Variants in PRKCH observed in about 807,000 individuals in gnomAD.
The protein encoded by PRKCH is protein kinase C eta type.
A neutral mutation model predicts 82.5 loss-of-function variants in PRKCH; 28 were observed. The observed-to-expected ratio is 0.34, with a 90% CI of 0.25 to 0.47. PRKCH has a LOEUF of 0.47. Among genes scored for constraint, PRKCH ranks in the 20% least tolerant of loss-of-function variants. The pLI is 1.00. For missense variants in PRKCH, 705 were observed against 881.8 expected (o/e 0.80, Z 2.54); for synonymous variants, 322 against 327.4 (o/e 0.98, Z 0.18).
At chr14:61,464,035 T>G (rs1336250668) in intron 9 of PRKCH, among the ~76,000 whole-genome samples, 2 of 152,206 alleles carry the variant, frequency 1.3e-5, no homozygotes, top group African/African-American at 4.8e-5. Context: ...AACATGAGAG[T>G]GCAGGCATCT....
intron 1 of PRKCH, among the ~76,000 whole-genome samples, chr14:61,199,108 A>G (rs1396451410): frequency 6.6e-6 from 1 of 152,210 alleles, no homozygotes; most frequent in African/African-American, 2.4e-5. Flanking sequence ...AAAAATGACC[A>G]ATATGTACTA....
At chr14:61,362,255 G>A (rs956733575) in intron 1 of PRKCH, among the ~76,000 whole-genome samples, 15 of 150,958 alleles carry the variant, frequency 9.9e-5, no homozygotes, top group African/African-American at 3.2e-4. Context: ...AGGGAGGATA[G>A]CTTTGAGCCC....
At chr14:61,479,150 C>T (rs1340930314) in intron 9 of PRKCH, among the ~76,000 whole-genome samples, 1 of 152,148 alleles carries the variant, frequency 6.6e-6, no homozygotes, top group Admixed American at 6.5e-5. Context: ...CTTCATTCTT[C>T]TCCTTCACCC....
chr14:61,375,618 AG>A (rs1250177532), intron 1 of PRKCH, among the ~76,000 whole-genome samples: 2 of 151,900 alleles, frequency 1.3e-5, no homozygotes, highest in African/African-American at 4.9e-5. Context: ...GAGAGAGTGA[AG>A]GGGGAAGTGC....
At chr14:61,245,743 A>T (rs2044874414) in intron 1 of PRKCH, among the ~76,000 whole-genome samples, 1 of 152,246 alleles carries the variant, frequency 6.6e-6, no homozygotes, top group Non-Finnish European at 1.5e-5. Context: ...TAACCAGCAC[A>T]GAGTCTGGCA....
intron 10 of PRKCH, among the ~76,000 whole-genome samples, chr14:61,516,969 A>G (rs1402215159): frequency 6.6e-6 from 1 of 152,100 alleles, no homozygotes; most frequent in African/African-American, 2.4e-5. Flanking sequence ...CTGAAGTGCA[A>G]GTGTCTTCTT....
At chr14:61,534,119 T>A (rs2043077260) in intron 12 of PRKCH, among the ~76,000 whole-genome samples, 1 of 152,180 alleles carries the variant, frequency 6.6e-6, no homozygotes, top group Admixed American at 6.5e-5. Context: ...GCACTGCTGA[T>A]GAGGATGTAA....
intron 1 of PRKCH, among the ~76,000 whole-genome samples, chr14:61,211,163 G>A (rs575352112): frequency 7.2e-4 from 109 of 152,302 alleles, no homozygotes; most frequent in African/African-American, 2.3e-3. Flanking sequence ...CTTTGCCAGG[G>A]AGTGGCCATG....
intron 1 of PRKCH, among the ~76,000 whole-genome samples, chr14:61,336,322 T>C (rs1360953000): frequency 6.6e-6 from 1 of 152,210 alleles, no homozygotes; most frequent in East Asian, 1.9e-4. Context: ...TAGTTACTGG[T>C]GGAAGAGAAG....
intron 1 of PRKCH, among the ~76,000 whole-genome samples, chr14:61,256,101 TA>T (rs2044995765): frequency 6.6e-6 from 1 of 152,200 alleles, no homozygotes; most frequent in East Asian, 1.9e-4. Context: ...TTTATGTTTT[TA>T]CTCATCGATT....
intron 1 of PRKCH, among the ~76,000 whole-genome samples, chr14:61,229,892 C>T (rs554990291): frequency 6.6e-6 from 1 of 152,314 alleles, no homozygotes; most frequent in East Asian, 1.9e-4. Context: ...ACGGCATGGG[C>T]TCCATCAACA....
chr14:61,347,299 A>C (rs571682343), intron 1 of PRKCH, among the ~76,000 whole-genome samples: 2 of 152,322 alleles, frequency 1.3e-5, no homozygotes, highest in East Asian at 3.9e-4. Context: ...GAGGTATTGC[A>C]GTTTAAAGCA....
intron 1 of PRKCH, among the ~76,000 whole-genome samples, chr14:61,251,705 T>C (rs964372865): frequency 2.0e-5 from 3 of 152,212 alleles, no homozygotes; most frequent in African/African-American, 7.2e-5. Context: ...TTCCTTTCCT[T>C]TGGGTACATA....
At position 61,449,082 on chromosome 14, in the gene PRKCH, G is replaced by T. The variant is rs551299721; in HGVS notation, c.614-82G>T. 4.1e-5 allele frequency: 54 copies of T among 1,323,430 alleles called. No individual in the cohort carries two copies. In the Middle Eastern group the frequency reaches 1.1e-3, roughly 27 times the overall value. 82.0% of individuals were successfully genotyped at this position (1,323,430 alleles called of 1,614,324 possible). A position where few individuals can be genotyped will look rare whatever the true frequency, so the allele number is the denominator to read the frequency against. On this transcript the variant is annotated intron_variant, in intron 4 of 13. Coordinates refer to ENST00000332981, the MANE Select transcript of PRKCH (RefSeq NM_006255.5). ...AGACGAGTCCAGTCTTGTTGGCACG[G>T]TGCAGCCCTGGTTGACTCTGCTGTA... is the stretch of plus-strand genomic sequence containing the variant.
chr14:61,202,746 A>G (rs1405809019), intron 1 of PRKCH, among the ~76,000 whole-genome samples: 1 of 152,190 alleles, frequency 6.6e-6, no homozygotes, highest in South Asian at 2.1e-4. Flanking sequence ...TTACAGAAAA[A>G]TCGTATGGGA....
chr14:61,304,016 A>C (rs2045466148), intron 1 of PRKCH: 1 of 152,004 alleles, frequency 6.6e-6, no homozygotes, highest in African/African-American at 2.4e-5. Flanking sequence ...ATTTATTTTT[A>C]ATTAATTTAA....
At chr14:61,489,758 GTTGACTTTT>G (rs1204928225) in intron 10 of PRKCH, among the ~76,000 whole-genome samples, 1 of 152,224 alleles carries the variant, frequency 6.6e-6, no homozygotes, top group Non-Finnish European at 1.5e-5. Flanking sequence ...TACTCATGGT[GTTGACTTTT>G]TTCCGGAGTC....
intron 2 of PRKCH, among the ~76,000 whole-genome samples, chr14:61,424,719 T>C (rs1319785831): frequency 6.6e-6 from 1 of 152,204 alleles, no homozygotes; most frequent in Non-Finnish European, 1.5e-5. Context: ...AGGAGCCAAA[T>C]GTTAATCACC....
rs529467594 is a variant in PRKCH, at chr14:61,502,939, G to A, written c.1433+17283G>A. 2.0e-5 allele frequency among the ~76,000 whole-genome samples: 3 copies of A among 150,394 alleles called. No homozygotes were observed. In the East Asian group the frequency reaches 5.9e-4, roughly 30 times the overall value. Reference sequence around the variant, plus strand: ...CCCTTTCGAGCCCTTCCTGGGGGATGTGTGGCTCTTGGGTTGGTTCTTGAA... The same window carrying A: ...CCCTTTCGAGCCCTTCCTGGGGGATATGTGGCTCTTGGGTTGGTTCTTGAA... On this transcript the variant is annotated intron_variant, in intron 10 of 13. Coordinates refer to ENST00000332981, the MANE Select transcript of PRKCH (RefSeq NM_006255.5).
Sources: gnomAD v4.1 joint callset for allele counts (sites outside exome capture counted in the v4.1 genomes callset) on GRCh38, gnomAD v4.1.1 for gene constraint, MANE v1.5 for transcripts, NCBI Gene and HGNC (gene_info 2026-07-23, HGNC 2026-07-21) for gene names.